Variants in PCBP3 observed in about 807,000 individuals in gnomAD.
PCBP3 encodes poly(rC)-binding protein 3.
PCBP3 carries 25 observed loss-of-function variants against 52.7 expected under a neutral mutation model. The observed-to-expected ratio is 0.47, with a 90% CI of 0.35 to 0.66. The LOEUF (loss-of-function observed/expected upper bound fraction) is 0.66, where lower values mean the gene tolerates loss of function less well. Ranked by LOEUF, PCBP3 falls within the 30% of genes least tolerant of loss-of-function variation. The pLI, the probability that PCBP3 is intolerant of heterozygous loss-of-function variation, is 0.01. For missense variants in PCBP3, 391 were observed against 490.3 expected (o/e 0.80, Z 1.91); for synonymous variants, 162 against 183.0 (o/e 0.89, Z 0.93).
At chr21:45,907,712 C>T (rs1298748097) in intron 9 of PCBP3, among the ~76,000 whole-genome samples, 1 of 151,384 alleles carries the variant, frequency 6.6e-6, no homozygotes, top group African/African-American at 2.4e-5. Context: ...AATTCAGCTC[C>T]AATCCAAGGT....
chr21:45,939,274 C>G (rs1297358397), intron 16 of PCBP3, among the ~76,000 whole-genome samples: 1 of 152,230 alleles, frequency 6.6e-6, no homozygotes, highest in Non-Finnish European at 1.5e-5. Context: ...CAATGGTGGG[C>G]ATTGAGAGAT....
chr21:45,839,771 C>T (rs536629724), intron 4 of PCBP3, among the ~76,000 whole-genome samples: 2 of 152,264 alleles, frequency 1.3e-5, no homozygotes, highest in East Asian at 3.9e-4. Context: ...ACTGCAGCCT[C>T]CGCTTCCCAG....
At chr21:45,745,459 G>A (rs1160553875) in intron 3 of PCBP3, among the ~76,000 whole-genome samples, 5 of 152,220 alleles carry the variant, frequency 3.3e-5, no homozygotes, top group African/African-American at 4.8e-5. Context: ...CATTCTCGAT[G>A]TGTGGTTTCT....
At chr21:45,787,630 C>T (rs2091253620) in intron 4 of PCBP3, among the ~76,000 whole-genome samples, 1 of 152,164 alleles carries the variant, frequency 6.6e-6, no homozygotes, top group African/African-American at 2.4e-5. Flanking sequence ...CAAAGCGAGT[C>T]CCCCTGCTTG....
chr21:45,839,315 T>C (rs2093651967), intron 4 of PCBP3, among the ~76,000 whole-genome samples: 1 of 152,236 alleles, frequency 6.6e-6, no homozygotes, highest in South Asian at 2.1e-4. Flanking sequence ...ATTAACTTTA[T>C]TTTAAGCACA....
At chr21:45,902,543 T>G (rs564147798) in intron 9 of PCBP3, among the ~76,000 whole-genome samples, 1 of 152,354 alleles carries the variant, frequency 6.6e-6, no homozygotes, top group Admixed American at 6.5e-5. Context: ...CTGGCCGTTG[T>G]CTGATGGGAG....
At position 45,821,346 on chromosome 21, in the gene PCBP3, A is replaced by T. The variant is rs948476996; in HGVS notation, c.-125-28615A>T. Among the ~76,000 whole-genome samples the T allele has an allele frequency of 6.6e-6, 1 of 151,892 alleles. No individual in the cohort carries two copies. On this transcript the variant is annotated intron_variant, in intron 4 of 17. Coordinates refer to ENST00000681687, the MANE Select transcript of PCBP3 (RefSeq NM_001384156.1). This position sits in a 1 kb window ranked among gnomAD's most constrained non-coding sequence, Gnocchi z 4.4. ...TGATGTCCAGCCCAGGAGGTCCTCA[A>T]CTGAGGTCCAGTACCCCCCTGCACC...
intron 4 of PCBP3, among the ~76,000 whole-genome samples, chr21:45,799,135 A>C (rs1043034054): frequency 2.0e-5 from 3 of 152,262 alleles, no homozygotes; most frequent in Non-Finnish European, 4.4e-5. Context: ...GTGGATCTGT[A>C]GAGAGAGTGA....
chr21:45,784,335 GCTCTAC>G (rs1209477660), intron 4 of PCBP3, among the ~76,000 whole-genome samples: 2,850 of 106,072 alleles, frequency 0.027, 303 homozygotes, highest in South Asian at 0.046. Flanking sequence ...AATAGTGACA[GCTCTAC>G]CTCTACCTCT....
intron 4 of PCBP3, among the ~76,000 whole-genome samples, chr21:45,797,463 G>T (rs78719434): frequency 4.8e-5 from 1 of 20,814 alleles, no homozygotes; most frequent in Admixed American, 6.4e-4. Flanking sequence ...TGAATGCATG[G>T]ATAGACGAGT....
In PCBP3 at chr21:45,751,545, GT is replaced by G. The variant is rs1287307401; in HGVS notation, c.-161-3871del. On this transcript the variant is annotated intron_variant, in intron 3 of 17. Transcript: ENST00000681687. The stretch of plus-strand genomic sequence containing the variant: ...TGCTTCCTCTGCTGCCCAGTGCTGC[GT>G]CCTCGTCTGGGTTTCATGATGGTGG... 3 of 152,416 alleles carry G rather than the reference GT, an allele frequency of 2.0e-5. No homozygotes were observed. The East Asian group carries it at 5.8e-4, about 29-fold the overall frequency. 9.4% of individuals were successfully genotyped at this position (152,416 alleles called of 1,614,324 possible).
At chr21:45,932,448 T>C (rs531326687) in intron 15 of PCBP3, among the ~76,000 whole-genome samples, 1 of 150,904 alleles carries the variant, frequency 6.6e-6, no homozygotes, top group Admixed American at 6.6e-5. Flanking sequence ...TGTCCTGAGA[T>C]GAACAAACAC....
chr21:45,680,132 G>A (rs1050257171), intron 2 of PCBP3, among the ~76,000 whole-genome samples: 4 of 152,176 alleles, frequency 2.6e-5, no homozygotes, highest in African/African-American at 9.7e-5. Context: ...GGCTACTGTG[G>A]CTGTAAGTCT....
chr21:45,722,349 G>A (rs1021162832), intron 2 of PCBP3, among the ~76,000 whole-genome samples: 11 of 152,302 alleles, frequency 7.2e-5, no homozygotes, highest in African/African-American at 2.4e-4. Flanking sequence ...CTGTCTCTGA[G>A]AGCTGAGGTC....
At chr21:45,919,855 C>G (rs2074176261) in intron 13 of PCBP3, among the ~76,000 whole-genome samples, 1 of 150,260 alleles carries the variant, frequency 6.7e-6, no homozygotes, top group Non-Finnish European at 1.5e-5. Context: ...GCGTGCGCGT[C>G]CCCGTGCATG....
chr21:45,831,052 C>T (rs1013691913), intron 4 of PCBP3: 1 of 152,528 alleles, frequency 6.6e-6, no homozygotes, highest in African/African-American at 2.4e-5. Context: ...TCTCTGGAGT[C>T]TGTCCTGCCC....
At chr21:45,899,714 A>T in intron 7 of PCBP3, 92 bp downstream of exon 7, 2 of 916,576 alleles carry the variant, frequency 2.2e-6, no homozygotes, top group South Asian at 2.8e-5. Flanking sequence ...GGCACCCAGT[A>T]GGTGCGCCTT....
chr21:45,665,985 G>A (rs550021718), intron 1 of PCBP3, among the ~76,000 whole-genome samples: 2 of 152,170 alleles, frequency 1.3e-5, no homozygotes, highest in South Asian at 4.1e-4. Flanking sequence ...ATCATTAAAT[G>A]TGATTTACCA....
At chr21:45,896,904 G>A (rs1395208644) in intron 6 of PCBP3, among the ~76,000 whole-genome samples, 4 of 118,832 alleles carry the variant, frequency 3.4e-5, no homozygotes, top group African/African-American at 7.6e-5. Context: ...TGCACTGCCT[G>A]GGCCATTGTC....
Sources: allele counts gnomAD v4.1 joint callset (sites outside exome capture counted in the v4.1 genomes callset), GRCh38; gene constraint gnomAD v4.1.1; non-coding constraint Gnocchi (gnomAD v3.1); transcripts MANE v1.5; gene names NCBI Gene and HGNC (gene_info 2026-07-23, HGNC 2026-07-21).